The following CTNND2 variants were observed in gnomAD, a reference collection of about 807,000 sequenced individuals.
The protein encoded by CTNND2 is catenin delta 2.
CTNND2 carries 22 observed loss-of-function variants against 144.4 expected under a neutral mutation model. That is an observed-to-expected ratio of 0.15 (90% CI 0.11 to 0.22). The LOEUF (loss-of-function observed/expected upper bound fraction) is 0.22. CTNND2 is among the 10% of genes least tolerant of loss of function. The probability of loss-of-function intolerance (pLI) is 1.00; values close to 1 mark genes in which losing one functional copy is unlikely to be tolerated. For missense variants in CTNND2, 1,353 were observed against 1,618.8 expected (o/e 0.84, Z 2.82); for synonymous variants, 751 against 695.6 (o/e 1.08, Z -1.25).
intron 9 of CTNND2, among the ~76,000 whole-genome samples, chr5:11,264,518 C>A (rs1745241892): frequency 6.6e-6 from 1 of 152,198 alleles, no homozygotes; most frequent in South Asian, 2.1e-4. Flanking sequence ...AGAAAAATCA[C>A]ACAGTGAATA....
chr5:11,244,581 G>A (rs528757761), intron 9 of CTNND2, among the ~76,000 whole-genome samples: 16 of 152,174 alleles, frequency 1.1e-4, no homozygotes, highest in South Asian at 2.1e-4. Flanking sequence ...CACGGCGCCC[G>A]GCCTGTCCTA....
At chr5:11,242,120 G>C (rs1742518248) in intron 9 of CTNND2, among the ~76,000 whole-genome samples, 1 of 152,180 alleles carries the variant, frequency 6.6e-6, no homozygotes, top group South Asian at 2.1e-4. Flanking sequence ...AACCTGGTCT[G>C]TGGATACTGT....
At chr5:11,231,635 C>T (rs1250029579) in intron 10 of CTNND2, among the ~76,000 whole-genome samples, 1 of 152,116 alleles carries the variant, frequency 6.6e-6, no homozygotes, top group Admixed American at 6.6e-5. Flanking sequence ...CACAAACCAT[C>T]CAAGAGGAAG....
At chr5:11,287,157 A>G (rs180927720) in intron 9 of CTNND2, among the ~76,000 whole-genome samples, 2,077 of 152,352 alleles carry the variant, frequency 0.014, 28 homozygotes, top group Non-Finnish European at 0.021. Flanking sequence ...GTACACAGAT[A>G]CAGTATTTGG....
At chr5:11,847,227 C>T (rs1160404922) in intron 1 of CTNND2, among the ~76,000 whole-genome samples, 2 of 140,408 alleles carry the variant, frequency 1.4e-5, no homozygotes, top group African/African-American at 5.2e-5. Context: ...ATATAGAAAT[C>T]GATCTAAAAG....
intron 11 of CTNND2, among the ~76,000 whole-genome samples, chr5:11,192,514 C>T (rs1736390278): frequency 6.6e-6 from 1 of 152,074 alleles, no homozygotes; most frequent in Non-Finnish European, 1.5e-5. Context: ...TGGATCAGCC[C>T]GGTGGGCGCA....
At chr5:11,581,802 T>C (rs539295358) in intron 2 of CTNND2, among the ~76,000 whole-genome samples, 2 of 152,350 alleles carry the variant, frequency 1.3e-5, no homozygotes, top group South Asian at 4.1e-4. Flanking sequence ...CCTTACAATA[T>C]GCTCAGCGAT....
At chr5:11,526,330 T>C (rs1773243406) in intron 3 of CTNND2, among the ~76,000 whole-genome samples, 1 of 152,252 alleles carries the variant, frequency 6.6e-6, no homozygotes. Flanking sequence ...GAAGCCGCCA[T>C]ACAAACTTAA....
At chr5:11,161,736 C>A (rs1758779262) in intron 11 of CTNND2, among the ~76,000 whole-genome samples, 1 of 152,098 alleles carries the variant, frequency 6.6e-6, no homozygotes, top group African/African-American at 2.4e-5. Flanking sequence ...AATATAGGAA[C>A]AAAATGTGCA....
chr5:11,258,146 T>C (rs1392895756), intron 9 of CTNND2, among the ~76,000 whole-genome samples: 1 of 152,150 alleles, frequency 6.6e-6, no homozygotes, highest in Non-Finnish European at 1.5e-5. Context: ...GCTGAATGGA[T>C]TTCTTCTAAC....
chr5:11,292,667 C>T (rs1580815363), intron 9 of CTNND2, among the ~76,000 whole-genome samples: 2 of 152,186 alleles, frequency 1.3e-5, no homozygotes, highest in Non-Finnish European at 2.9e-5. Flanking sequence ...CTGAAGCCTC[C>T]CCAGCCATGC....
intron 1 of CTNND2, among the ~76,000 whole-genome samples, chr5:11,880,945 ACT>A (rs1491046930): frequency 2.1e-4 from 30 of 145,246 alleles, no homozygotes; most frequent in Non-Finnish European, 3.1e-4. Flanking sequence ...TGCTACTAAT[ACT>A]ACTACTACTA....
intron 2 of CTNND2, among the ~76,000 whole-genome samples, chr5:11,641,614 G>A (rs866610202): frequency 4.2e-5 from 6 of 144,366 alleles, no homozygotes; most frequent in Admixed American, 2.7e-4. Flanking sequence ...ATACATATAC[G>A]TGTGTGTATA....
rs905114117 is a variant in CTNND2 at position 11,384,751 on chromosome 5, C to T, written c.1091G>A (p.Arg364His). Residue 364 changes from arginine (R) to histidine (H), a missense_variant, in exon 7 of 22, where the codon CGC (arginine) becomes CAC (histidine). Physicochemically the swap from Arg to His is conservative, Grantham distance 29 (BLOSUM62 0). Transcript: ENST00000304623. The surrounding 1 kb of genome is among the most constrained non-coding windows in gnomAD (Gnocchi z 5.2). Reference protein sequence around the residue: ...GTYATLSPTKRLVHASEQYSK... With the variant: ...GTYATLSPTKHLVHASEQYSK... ...GTACTGCTCGGACGCGTGGACCAGG[C>T]GCTTGGTGGGCGACAGGGTGGCGTA... 6.2e-7 allele frequency: 1 copy of T among 1,612,834 alleles called. No homozygotes were observed. Among genetic ancestry groups the T allele is most frequent in the Non-Finnish European group, 8.5e-7 (1 of 1,179,634 alleles).
chr5:11,550,569 G>A (rs1007713586), intron 3 of CTNND2, among the ~76,000 whole-genome samples: 9 of 152,176 alleles, frequency 5.9e-5, no homozygotes, highest in African/African-American at 1.4e-4. Flanking sequence ...TAAGACAAAG[G>A]AATAATGTGT....
At chr5:11,378,525 G>A (rs1344092646) in intron 7 of CTNND2, among the ~76,000 whole-genome samples, 1 of 152,236 alleles carries the variant, frequency 6.6e-6, no homozygotes, top group Non-Finnish European at 1.5e-5. Context: ...AACTTTAAGT[G>A]ACAGTGGGAA....
chr5:11,025,997 T>G (rs1742779712), intron 16 of CTNND2, among the ~76,000 whole-genome samples: 1 of 152,226 alleles, frequency 6.6e-6, no homozygotes, highest in African/African-American at 2.4e-5. Context: ...AAACTTTTTT[T>G]ATAGTTTCAC....
At chr5:11,098,515 G>A (rs558198672) in intron 15 of CTNND2, 60 bp downstream of exon 15, 1 of 1,435,090 alleles carries the variant, frequency 7.0e-7, no homozygotes, top group Admixed American at 2.1e-5. Flanking sequence ...GACTTATATT[G>A]TTTTCTGAGG....
At chr5:11,739,806 C>T (rs896439750) in intron 1 of CTNND2, among the ~76,000 whole-genome samples, 14 of 152,144 alleles carry the variant, frequency 9.2e-5, no homozygotes, top group African/African-American at 3.1e-4. Context: ...ATCGTCTCAG[C>T]CCAAAATCTC....
Sources: gnomAD v4.1 joint callset for allele counts (sites outside exome capture counted in the v4.1 genomes callset) on GRCh38, gnomAD v4.1.1 for gene constraint, Gnocchi (gnomAD v3.1) non-coding constraint, MANE v1.5 for transcripts, NCBI Gene and HGNC (gene_info 2026-07-23, HGNC 2026-07-21) for gene names.